EDAR: variants seen among roughly 807,000 people sequenced by gnomAD.
The protein encoded by EDAR is tumor necrosis factor receptor superfamily member EDAR.
A neutral mutation model predicts 51.3 loss-of-function variants in EDAR; 38 were observed. The ratio of observed to expected loss-of-function variants is 0.74; its 90% CI spans 0.57 to 0.97. The LOEUF is 0.97. Ranked by LOEUF, EDAR falls within the 50% of genes least tolerant of loss-of-function variation. The pLI, the probability that EDAR is intolerant of heterozygous loss-of-function variation, is 0.00. For synonymous variants in EDAR, 227 were observed against 242.1 expected (o/e 0.94, Z 0.58); for missense variants, 528 against 595.0 (o/e 0.89, Z 1.17).
At chr2:108,897,955 G>C (rs1696631194) in intron 11 of EDAR, among the ~76,000 whole-genome samples, 1 of 152,070 alleles carries the variant, frequency 6.6e-6, no homozygotes, top group South Asian at 2.1e-4. Context: ...AAGTTCCCTG[G>C]GTTTTCTTTT....
chr2:108,910,948 T>C lies in EDAR; in HGVS notation c.654A>G (p.Pro218=), dbSNP rs1696918732. 1.9e-6 allele frequency: 3 copies of C among 1,614,074 alleles called. No homozygotes were observed. Among genetic ancestry groups the C allele is most frequent in the South Asian group, 1.1e-5 (1 of 91,062 alleles). The part of the protein sequence containing the change: ...FYILKTKPSA[P]ACCTSHPGKS... ...GCACCGGCGCATGGGGGCCGTCACC[T>C]GGGGCAGAGGGCTTTGTCTTCAGGA... The change falls in exon 7 of 12, where the codon CCA becomes CCG. Residue 218 remains proline (P), a splice_region_variant and synonymous_variant. Coordinates refer to ENST00000258443, the MANE Select transcript of EDAR (RefSeq NM_022336.4).
In EDAR at chr2:108,937,307, T is replaced by C. The variant is rs115435271; in HGVS notation, c.-18-6275A>G. Among the ~76,000 whole-genome samples the C allele has an allele frequency of 4.3e-3, 661 of 152,352 alleles. 3 individuals are homozygous for C. The highest frequency in any genetic ancestry group is 0.015 in the African/African-American group (643 of 41,576). Reference sequence around the variant, plus strand: ...GGCAGCCCCTCAAAGGGGTGGGCTGTGTCCCTGCATTCTCTCAGGCCCTAA... The same window carrying C: ...GGCAGCCCCTCAAAGGGGTGGGCTGCGTCCCTGCATTCTCTCAGGCCCTAA... On this transcript the variant is annotated intron_variant, in intron 1 of 11. Coordinates refer to ENST00000258443, the MANE Select transcript of EDAR (RefSeq NM_022336.4).
At chr2:108,966,342 C>G (rs1292239676) in intron 1 of EDAR, among the ~76,000 whole-genome samples, 2 of 152,210 alleles carry the variant, frequency 1.3e-5, no homozygotes, top group African/African-American at 2.4e-5. Context: ...TTTAGATTTA[C>G]TATGCTGAGA....
chr2:108,900,569 A>C (rs1574364463), intron 11 of EDAR, among the ~76,000 whole-genome samples: 1 of 87,436 alleles, frequency 1.1e-5, no homozygotes, highest in Middle Eastern at 6.0e-3. Context: ...AGAAAAAAAA[A>C]AAAACAAAAA....
rs753625802 is a variant in EDAR at position 108,930,171 on chromosome 2, C to T, written c.123G>A (p.Thr41=). The change falls in exon 3 of 12, where the codon ACG becomes ACA. Residue 41 remains threonine (T), a synonymous_variant. Coordinates refer to ENST00000258443, the MANE Select transcript of EDAR (RefSeq NM_022336.4). ...ACGGGGGGCACTCCTGGCACAGCCC[C>T]GTAGTCTGGTTGTAGTACTCGTTCT... ...CGENEYYNQT[T]GLCQECPPCG... is the part of the protein sequence containing the mutation. 23 of 1,613,904 alleles carry T rather than the reference C, an allele frequency of 1.4e-5. No homozygotes were observed. The highest frequency in any genetic ancestry group is 4.5e-5 in the East Asian group (2 of 44,878).
At chr2:108,974,857 C>T (rs1460063495) in intron 1 of EDAR, among the ~76,000 whole-genome samples, 1 of 152,216 alleles carries the variant, frequency 6.6e-6, no homozygotes, top group Admixed American at 6.5e-5. Context: ...CCACCCCGAG[C>T]TGCCTCACCA....
chr2:108,976,338 A>T (rs1435705579), intron 1 of EDAR, among the ~76,000 whole-genome samples: 2 of 152,186 alleles, frequency 1.3e-5, no homozygotes, highest in Non-Finnish European at 2.9e-5. Flanking sequence ...TATGGGTTTG[A>T]GAGGAAGACC....
chr2:108,960,525 C>T (rs1574406128), intron 1 of EDAR, among the ~76,000 whole-genome samples: 1 of 152,324 alleles, frequency 6.6e-6, no homozygotes, highest in East Asian at 1.9e-4. Context: ...GCACACCTGT[C>T]TCTGCTGCCC....
At chr2:108,905,269 G>A (rs1438767327) in intron 11 of EDAR, among the ~76,000 whole-genome samples, 1 of 152,070 alleles carries the variant, frequency 6.6e-6, no homozygotes, top group Non-Finnish European at 1.5e-5. Context: ...AACATTTTTT[G>A]GAACAGAGAA....
At chr2:108,969,165 ATG>A (rs1166869233) in intron 1 of EDAR, among the ~76,000 whole-genome samples, 62 of 151,892 alleles carry the variant, frequency 4.1e-4, no homozygotes, top group African/African-American at 1.4e-3. Context: ...CCTCTGCTCT[ATG>A]GCTGGTCTTG....
At chr2:108,902,067 A>T (rs773187047) in intron 11 of EDAR, among the ~76,000 whole-genome samples, 1 of 152,186 alleles carries the variant, frequency 6.6e-6, no homozygotes, top group East Asian at 1.9e-4. Flanking sequence ...GTGAAACCCC[A>T]TATCTACTAA....
At chr2:108,945,265 A>C (rs10194792) in intron 1 of EDAR, among the ~76,000 whole-genome samples, 9 of 152,250 alleles carry the variant, frequency 5.9e-5, no homozygotes, top group African/African-American at 2.2e-4. Flanking sequence ...CACTGAGTCC[A>C]AGCATGTAAT....
intron 1 of EDAR, among the ~76,000 whole-genome samples, chr2:108,981,814 A>T (rs544720048): frequency 2.1e-4 from 32 of 152,238 alleles, no homozygotes; most frequent in Admixed American, 1.7e-3. Flanking sequence ...CACCTCTCCA[A>T]GCCTTACTCT....
At chr2:108,974,829 G>T (rs1384983007) in intron 1 of EDAR, among the ~76,000 whole-genome samples, 3 of 152,178 alleles carry the variant, frequency 2.0e-5, no homozygotes, top group African/African-American at 7.2e-5. Context: ...TGGCAGAGCT[G>T]GGGTCTAGCT....
intron 1 of EDAR, among the ~76,000 whole-genome samples, chr2:108,938,542 T>C (rs1228540659): frequency 6.6e-6 from 1 of 152,200 alleles, no homozygotes; most frequent in Non-Finnish European, 1.5e-5. Context: ...GGAGAGCACT[T>C]ATCCTCATCC....
Position 108,939,847 on chromosome 2 carries a change from C to A in EDAR, c.-18-8815G>T, listed in dbSNP as rs191405007. Among the ~76,000 whole-genome samples the A allele has an allele frequency of 1.6e-3, 248 of 152,332 alleles. 1 individual carries two copies. The highest frequency in any genetic ancestry group is 5.7e-3 in the African/African-American group (236 of 41,570). On this transcript the variant is annotated intron_variant, in intron 1 of 11. Coordinates refer to ENST00000258443, the MANE Select transcript of EDAR (RefSeq NM_022336.4). ...TACTTTCAGCCTGCCCTGCCTCCCC[C>A]AGACCCAGCCATTCCTGTTGGATCT...
intron 1 of EDAR, among the ~76,000 whole-genome samples, chr2:108,972,776 G>C (rs1462700065): frequency 6.6e-6 from 1 of 152,184 alleles, no homozygotes; most frequent in African/African-American, 2.4e-5. Context: ...GACTCAGAAG[G>C]GGGTGAGGAC....
At chr2:108,936,977 T>C (rs1056932207) in intron 1 of EDAR, among the ~76,000 whole-genome samples, 1 of 152,236 alleles carries the variant, frequency 6.6e-6, no homozygotes, top group Non-Finnish European at 1.5e-5. Context: ...TAGCCGGTCC[T>C]GTTCCCAGCC....
intron 4 of EDAR, among the ~76,000 whole-genome samples, chr2:108,925,662 T>G (rs1015602322): frequency 3.9e-5 from 6 of 152,118 alleles, no homozygotes; most frequent in African/African-American, 1.4e-4. Context: ...CTGTTGCCCA[T>G]GCTGGAGTAC....
Sources: gnomAD v4.1 joint callset for allele counts (sites outside exome capture counted in the v4.1 genomes callset) on GRCh38, gnomAD v4.1.1 for gene constraint, MANE v1.5 for transcripts, NCBI Gene and HGNC (gene_info 2026-07-23, HGNC 2026-07-21) for gene names.